Variants in GABRB2 observed in about 807,000 individuals in gnomAD.
GABRB2 encodes gamma-aminobutyric acid receptor subunit beta-2.
A neutral mutation model predicts 54.7 loss-of-function variants in GABRB2; 16 were observed. The observed-to-expected ratio is 0.29, with a 90% confidence interval of 0.20 to 0.44. The LOEUF is 0.44. GABRB2 is among the 20% of genes least tolerant of loss of function. GABRB2 has a pLI of 1.00. For missense variants in GABRB2, 355 were observed against 644.0 expected, an observed-to-expected ratio of 0.55 and a Z score of 4.86; for synonymous variants, 244 against 233.8, an observed-to-expected ratio of 1.04 and a Z score of -0.40.
At position 161,336,733 on chromosome 5, in the gene GABRB2, CGCCAGTAAAACTCAAT is replaced by C; in HGVS notation, c.562_577del (p.Ile188ValfsTer7). On this transcript the variant is annotated frameshift_variant, in exon 6 of 10. Transcript: ENST00000393959. LOFTEE classifies it high-confidence loss of function. ...TCCTGTTACTGCATTATCATCGCCA[CGCCAGTAAAACTCAAT>C]GTCATCAGTTGTGTATCCATCTGTG... is the stretch of plus-strand genomic sequence containing the variant. 6.2e-7 allele frequency: 1 copy of C among 1,611,726 alleles called. No individual in the cohort carries two copies. The highest frequency in any genetic ancestry group is 8.5e-7 in the Non-Finnish European group (1 of 1,179,486).
chr5:161,364,938 A>G (rs1754932102), intron 5 of GABRB2, among the ~76,000 whole-genome samples: 1 of 152,148 alleles, frequency 6.6e-6, no homozygotes, highest in Admixed American at 6.6e-5. Context: ...GGCTTTTATT[A>G]TAAAATATTT....
At chr5:161,479,284 T>C (rs1758683546) in intron 3 of GABRB2, among the ~76,000 whole-genome samples, 1 of 152,034 alleles carries the variant, frequency 6.6e-6, no homozygotes, top group African/African-American at 2.4e-5. Flanking sequence ...CAGGCCAGGA[T>C]TGTCAGGGTT....
At chr5:161,476,016 T>C (rs916787355) in intron 3 of GABRB2, among the ~76,000 whole-genome samples, 3 of 151,978 alleles carry the variant, frequency 2.0e-5, no homozygotes, top group African/African-American at 4.8e-5. Flanking sequence ...TGTTTGCAGA[T>C]AACATAATCC....
chr5:161,456,132 C>A (rs930057415), intron 4 of GABRB2, among the ~76,000 whole-genome samples: 4 of 152,162 alleles, frequency 2.6e-5, no homozygotes, highest in Non-Finnish European at 4.4e-5. Flanking sequence ...CTTAGTTCTA[C>A]CCAATTTCTT....
At chr5:161,294,484 T>A (rs1757327722) in intron 9 of GABRB2, 56 bp from the exon 10 acceptor site, 1 of 1,472,734 alleles carries the variant, frequency 6.8e-7, no homozygotes, top group Non-Finnish European at 9.4e-7. Context: ...TACAGGTGCT[T>A]ACTAGGCAAG....
intron 3 of GABRB2, among the ~76,000 whole-genome samples, chr5:161,472,155 A>C (rs1758459958): frequency 6.6e-6 from 1 of 151,828 alleles, no homozygotes; most frequent in African/African-American, 2.4e-5. Flanking sequence ...TGTTATTATT[A>C]TTAATGTTTG....
intron 5 of GABRB2, among the ~76,000 whole-genome samples, chr5:161,381,543 T>C (rs1324988967): frequency 1.3e-5 from 2 of 152,166 alleles, no homozygotes; most frequent in East Asian, 1.9e-4. Context: ...TCTGACATGG[T>C]TGATGCATTG....
At chr5:161,444,164 T>C (rs947510195) in intron 4 of GABRB2, among the ~76,000 whole-genome samples, 1 of 152,168 alleles carries the variant, frequency 6.6e-6, no homozygotes, top group African/African-American at 2.4e-5. Flanking sequence ...CTTACACACA[T>C]GTGCATGCAC....
At chr5:161,309,199 C>T (rs957569944) in intron 9 of GABRB2, among the ~76,000 whole-genome samples, 1 of 152,082 alleles carries the variant, frequency 6.6e-6, no homozygotes, top group African/African-American at 2.4e-5. Flanking sequence ...GGACAAAGTA[C>T]ACGAACAGAC....
chr5:161,490,142 T>C (rs1171362263), intron 3 of GABRB2, among the ~76,000 whole-genome samples: 1 of 151,800 alleles, frequency 6.6e-6, no homozygotes, highest in African/African-American at 2.4e-5. Flanking sequence ...GCCACTTACC[T>C]ATACTTACTG....
chr5:161,470,964 G>C (rs1223891401), intron 3 of GABRB2, among the ~76,000 whole-genome samples: 1 of 151,914 alleles, frequency 6.6e-6, no homozygotes, highest in East Asian at 1.9e-4. Context: ...TTCCTGCATG[G>C]GTTTTAAATG....
At chr5:161,334,706 T>A in intron 7 of GABRB2, 46 bp downstream of exon 7, 2 of 1,599,654 alleles carry the variant, frequency 1.3e-6, no homozygotes, top group Non-Finnish European at 1.7e-6. Flanking sequence ...AACACAGAAA[T>A]GTACACACAG....
chr5:161,545,429 T>C (rs1403750843), intron 2 of GABRB2, 135 bp from the exon 3 acceptor site: 1 of 425,572 alleles, frequency 2.3e-6, no homozygotes, highest in Non-Finnish European at 3.9e-6. Flanking sequence ...ATTCTCTGCT[T>C]TTTTTGTTAA....
At chr5:161,384,584 G>A (rs1164945541) in intron 5 of GABRB2, among the ~76,000 whole-genome samples, 1 of 152,148 alleles carries the variant, frequency 6.6e-6, no homozygotes, top group Non-Finnish European at 1.5e-5. Flanking sequence ...TAAGTTCTTG[G>A]TTTTAATAAG....
At chr5:161,360,081 T>TAA (rs11458201) in intron 5 of GABRB2, among the ~76,000 whole-genome samples, 151 of 148,606 alleles carry the variant, frequency 1.0e-3, no homozygotes, top group South Asian at 2.1e-3. Flanking sequence ...AGACTCCGTC[T>TAA]AAAAAAAAAA....
rs375076322 is a variant in GABRB2 at position 161,376,165 on chromosome 5, G to T, written c.541+34810C>A. ...CTAAAATCTGAAATCATGCATTGGG[G>T]ATCACAAAGGCACAGCCTCATCCAT... On this transcript the variant is annotated intron_variant, in intron 5 of 9. Coordinates refer to ENST00000393959, the MANE Select transcript of GABRB2 (RefSeq NM_001371727.1). Among the ~76,000 whole-genome samples the T allele has an allele frequency of 2.2e-4, 34 of 152,206 alleles. 2 individuals carry two copies. In the South Asian group the frequency reaches 3.5e-3, roughly 16 times the overall value.
chr5:161,540,805 C>A (rs544679720), intron 3 of GABRB2, among the ~76,000 whole-genome samples: 1 of 152,056 alleles, frequency 6.6e-6, no homozygotes, highest in South Asian at 2.1e-4. Flanking sequence ...CCATTATTTT[C>A]TTGTTGTTTT....
rs550448198 is a variant in GABRB2, at chr5:161,454,910, C to T, written c.458+4714G>A. Reference sequence around the variant, plus strand: ...GCATTAGAAATCTGTTCCCAGAGCCCCTGGAATGATTTTCATACTGAAAAG... The same window carrying T: ...GCATTAGAAATCTGTTCCCAGAGCCTCTGGAATGATTTTCATACTGAAAAG... On this transcript the variant is annotated intron_variant, in intron 4 of 9. Coordinates refer to ENST00000393959, the MANE Select transcript of GABRB2 (RefSeq NM_001371727.1). Among the ~76,000 whole-genome samples, 9 of 152,134 alleles carry T rather than the reference C, an allele frequency of 5.9e-5. No homozygotes were observed. In the South Asian group the frequency reaches 1.9e-3, roughly 32 times the overall value.
chr5:161,343,065 T>C (rs1325801617), intron 5 of GABRB2, among the ~76,000 whole-genome samples: 2 of 152,078 alleles, frequency 1.3e-5, no homozygotes, highest in African/African-American at 2.4e-5. Context: ...GTCACTGGGA[T>C]CTTTCGAGAG....
Sources: allele counts gnomAD v4.1 joint callset (sites outside exome capture counted in the v4.1 genomes callset), GRCh38; gene constraint gnomAD v4.1.1; transcripts MANE v1.5; gene names NCBI Gene and HGNC (gene_info 2026-07-23, HGNC 2026-07-21).